LBR: variants seen among roughly 807,000 people sequenced by gnomAD.
LBR encodes lamin B receptor.
Under a neutral mutation model 74.3 loss-of-function variants are expected in LBR, and 28 were observed. The observed-to-expected ratio is 0.38, with a 90% CI of 0.28 to 0.52. LBR has a LOEUF of 0.52. Ranked by LOEUF, LBR falls within the 20% of genes least tolerant of loss-of-function variation. LBR has a pLI of 0.89. For synonymous variants in LBR, 228 were observed against 269.3 expected, an observed-to-expected ratio of 0.85 and a Z score of 1.50; for missense variants, 717 against 760.3, an observed-to-expected ratio of 0.94 and a Z score of 0.67.
rs1420469594 is a variant in LBR, at chr1:225,417,972, C to A, written c.837+12G>T. ...ATCTTATTAAAACAAAACAGAATTA[C>A]CATAAACGTACCTTTCCAATTGGCA... is the stretch of plus-strand genomic sequence containing the variant. On this transcript the variant is annotated intron_variant, in intron 6 of 13. Coordinates refer to ENST00000272163, the MANE Select transcript of LBR (RefSeq NM_002296.4). 1 of 1,612,594 alleles carries A rather than the reference C, an allele frequency of 6.2e-7. No homozygotes were observed. The highest frequency in any genetic ancestry group is 8.5e-7 in the Non-Finnish European group (1 of 1,178,656).
At chr1:225,425,598 G>A (rs1409003521) in intron 1 of LBR, among the ~76,000 whole-genome samples, 11 of 152,124 alleles carry the variant, frequency 7.2e-5, no homozygotes, top group African/African-American at 2.7e-4. Flanking sequence ...GCATAAAAAC[G>A]GAAGGTGACA....
At chr1:225,423,625 T>TA (rs1269187609) in intron 2 of LBR, among the ~76,000 whole-genome samples, 2 of 152,160 alleles carry the variant, frequency 1.3e-5, no homozygotes, top group Non-Finnish European at 2.9e-5. Flanking sequence ...CTACCCTTGA[T>TA]ACACTCAACA....
intron 5 of LBR, among the ~76,000 whole-genome samples, chr1:225,418,620 T>C (rs1399900055): frequency 2.0e-5 from 3 of 152,222 alleles, no homozygotes; most frequent in Non-Finnish European, 4.4e-5. Context: ...GTGTGCAGAT[T>C]TTAAGTGATG....
intron 3 of LBR, 23 bp downstream of exon 3, chr1:225,422,054 T>A: frequency 6.2e-7 from 1 of 1,606,480 alleles, no homozygotes; most frequent in African/African-American, 1.3e-5. Context: ...GACAAAAGGC[T>A]GTATAAGGAT....
At chr1:225,410,440 T>C (rs765102129) in intron 9 of LBR, 24 bp from the exon 10 acceptor site, 22 of 1,613,120 alleles carry the variant, frequency 1.4e-5, no homozygotes, top group Non-Finnish European at 1.7e-5. Flanking sequence ...GGAAAGTATA[T>C]AGCCTCAAAG....
intron 1 of LBR, 49 bp from the exon 2 acceptor site, chr1:225,424,138 G>GT: frequency 7.2e-7 from 1 of 1,391,814 alleles, no homozygotes; most frequent in Non-Finnish European, 1.0e-6. Flanking sequence ...ACACATTTAT[G>GT]TATTCGTCTT....
At chr1:225,418,325 C>T in intron 5 of LBR, 145 bp from the exon 6 acceptor site, 1 of 791,470 alleles carries the variant, frequency 1.3e-6, no homozygotes, top group Non-Finnish European at 2.1e-6. Flanking sequence ...AAACTCCCAT[C>T]TCTACCTGTC....
chr1:225,420,211 G>A (rs766681273), intron 3 of LBR, among the ~76,000 whole-genome samples: 3 of 151,486 alleles, frequency 2.0e-5, no homozygotes, highest in Non-Finnish European at 4.4e-5. Context: ...TTCGGAAGCT[G>A]AGGCAGGAAA....
At chr1:225,413,316 C>T (rs984432449) in intron 7 of LBR, among the ~76,000 whole-genome samples, 1 of 152,188 alleles carries the variant, frequency 6.6e-6, no homozygotes, top group Non-Finnish European at 1.5e-5. Context: ...CGCCCTGTGA[C>T]GCTCCACAGA....
rs984631878 is a variant in LBR, at chr1:225,411,396, G to A, written c.1129C>T (p.Arg377Ter). Residue 377 changes from arginine to a stop codon, truncating the protein, a stop_gained, in exon 9 of 14, where the codon CGA (arginine) becomes TGA (stop). Transcript: ENST00000272163. LOFTEE classifies it high-confidence loss of function. ...TATTTGAGATCAAAAGTACCAATTC[G>A]AGGGTTTAATTCACGGCCAATGAAG... ...DFFIGRELNP[R>*]IGTFDLKYFC... 3 of 1,614,048 alleles carry A rather than the reference G, an allele frequency of 1.9e-6. No individual in the cohort carries two copies. Among genetic ancestry groups the A allele is most frequent in the Non-Finnish European group, 2.5e-6 (3 of 1,179,886 alleles).
At chr1:225,417,872 A>T in intron 6 of LBR, 112 bp downstream of exon 6, 1 of 940,290 alleles carries the variant, frequency 1.1e-6, no homozygotes, top group Non-Finnish European at 1.7e-6. Context: ...GGTCCCAGCG[A>T]CTCAGGAGGC....
Position 225,423,974 on chromosome 1 carries a change from G to C in LBR, c.102C>G (p.Ser34=). ...EVEILSHDST[S]QLYTVKYKDG... is the part of the protein sequence containing the mutation. The stretch of plus-strand genomic sequence containing the variant: ...CTTTATACTTCACAGTGTAAAGCTG[G>C]GAGGTGCTGTCGTGGCTCAGAATTT... Residue 34 remains serine (S), a synonymous_variant, in exon 2 of 14, where the codon TCC becomes TCG. Transcript: ENST00000272163. The C allele has an allele frequency of 1.2e-6, 2 of 1,613,862 alleles. No homozygotes were observed. Among genetic ancestry groups the C allele is most frequent in the Non-Finnish European group, 1.7e-6 (2 of 1,179,772 alleles).
intron 6 of LBR, among the ~76,000 whole-genome samples, chr1:225,417,280 T>C (rs1017469930): frequency 2.0e-5 from 3 of 152,192 alleles, no homozygotes; most frequent in Non-Finnish European, 2.9e-5. Context: ...TTACAGACAG[T>C]TGGCAAACTT....
chr1:225,422,007 T>A, intron 3 of LBR, 70 bp downstream of exon 3: 1 of 1,423,256 alleles, frequency 7.0e-7, no homozygotes, highest in South Asian at 1.2e-5. Flanking sequence ...TATTATTAAC[T>A]GCAAGTAACT....
chr1:225,409,474 T>C (rs1253405489), intron 10 of LBR, among the ~76,000 whole-genome samples: 1 of 152,238 alleles, frequency 6.6e-6, no homozygotes, highest in Non-Finnish European at 1.5e-5. Context: ...TTTTTTTTAA[T>C]GTTCCAGGCT....
At position 225,422,341 on chromosome 1, in the gene LBR, A is replaced by G. The variant is rs371994868; in HGVS notation, c.166-64T>C. 1.1e-4 allele frequency: 147 copies of G among 1,310,606 alleles called. No individual in the cohort carries two copies. In the African/African-American group the frequency reaches 1.6e-3, roughly 15 times the overall value. 81.2% of individuals were successfully genotyped at this position (1,310,606 alleles called of 1,614,324 possible). On this transcript the variant is annotated intron_variant, in intron 2 of 13. Coordinates refer to ENST00000272163, the MANE Select transcript of LBR (RefSeq NM_002296.4). The stretch of plus-strand genomic sequence containing the variant: ...TCATAACACATACAGACAGACCCAC[A>G]CTAGAAGAGGATAACAAAGGCAGGA...
At chr1:225,426,795 C>T (rs2096140057) in intron 1 of LBR, among the ~76,000 whole-genome samples, 1 of 152,302 alleles carries the variant, frequency 6.6e-6, no homozygotes, top group East Asian at 1.9e-4. Flanking sequence ...AACAGAAAGG[C>T]CACCTTCCTG....
intron 3 of LBR, among the ~76,000 whole-genome samples, chr1:225,421,694 A>C (rs2096127715): frequency 6.6e-6 from 1 of 152,254 alleles, no homozygotes; most frequent in African/African-American, 2.4e-5. Flanking sequence ...TTGAATAGGT[A>C]AAGTGATAAA....
chr1:225,407,389 C>T (rs565077616), intron 10 of LBR, among the ~76,000 whole-genome samples: 1 of 152,330 alleles, frequency 6.6e-6, no homozygotes, highest in South Asian at 2.1e-4. Context: ...CTTTTTGTTT[C>T]AATTCCACAT....
Sources: gnomAD v4.1 joint callset for allele counts (sites outside exome capture counted in the v4.1 genomes callset) on GRCh38, gnomAD v4.1.1 for gene constraint, MANE v1.5 for transcripts, NCBI Gene and HGNC (gene_info 2026-07-23, HGNC 2026-07-21) for gene names.